PCDHA6: variants seen among roughly 807,000 people sequenced by gnomAD.
PCDHA6 encodes the protein protocadherin alpha 6.
PCDHA6 carries 55 observed loss-of-function variants against 60.3 expected under a neutral mutation model. The observed-to-expected ratio is 0.91, with a 90% CI of 0.73 to 1.14. PCDHA6 has a LOEUF of 1.14. Among genes scored for constraint, PCDHA6 ranks in the 50% most tolerant of loss-of-function variants. PCDHA6 has a pLI of 0.00. For synonymous variants in PCDHA6, 652 were observed against 557.9 expected (o/e 1.17, Z -2.38); for missense variants, 1,327 against 1,256.5 (o/e 1.06, Z -0.85).
At chr5:140,876,153 G>T in intron 1 of PCDHA6, 2 of 1,613,964 alleles carry the variant, frequency 1.2e-6, no homozygotes, top group South Asian at 2.2e-5. Context: ...GGTCTGTCCA[G>T]ATTCAAATAA....
Position 140,833,148 on chromosome 5 carries a change from T to C in PCDHA6, c.2394+2663T>C, listed in dbSNP as rs145941830. On this transcript the variant is annotated intron_variant, in intron 1 of 3. Coordinates refer to ENST00000529310, the MANE Select transcript of PCDHA6 (RefSeq NM_018909.4). The stretch of plus-strand genomic sequence containing the variant: ...AAAGCTGTCAAAAAGTGTGAAGCAA[T>C]ACGAATAAAAAGTATTAACGGAAGA... 2.6e-4 allele frequency among the ~76,000 whole-genome samples: 39 copies of C among 152,250 alleles called. No individual in the cohort carries two copies. The East Asian group carries it at 6.2e-3, about 24-fold the overall frequency.
At chr5:140,882,891 A>G (rs782750187) in intron 1 of PCDHA6, 3 of 1,614,230 alleles carry the variant, frequency 1.9e-6, no homozygotes, top group Admixed American at 1.7e-5. Context: ...ATTCAGGAAC[A>G]TAGTTTATTA....
intron 3 of PCDHA6, among the ~76,000 whole-genome samples, chr5:140,993,305 G>C (rs1405035028): frequency 6.6e-6 from 1 of 151,998 alleles, no homozygotes; most frequent in African/African-American, 2.4e-5. Flanking sequence ...CTTGCCTCCA[G>C]GATAATACCT....
chr5:140,966,742 G>T, intron 1 of PCDHA6: 1 of 1,422,480 alleles, frequency 7.0e-7, no homozygotes, highest in African/African-American at 1.5e-5. Context: ...GCCCTGCCCG[G>T]CTGCCTCCGC....
chr5:140,835,554 C>T (rs2150238113), intron 1 of PCDHA6: 7 of 1,613,942 alleles, frequency 4.3e-6, no homozygotes, highest in Non-Finnish European at 5.9e-6. Context: ...CTCCCTGACG[C>T]CCCGCGTTCC....
At chr5:140,926,268 T>A (rs1166651492) in intron 1 of PCDHA6, 1 of 152,208 alleles carries the variant, frequency 6.6e-6, no homozygotes, top group Non-Finnish European at 1.5e-5. Context: ...TCTCGCCGCC[T>A]CCGCTCGGCA....
intron 1 of PCDHA6, chr5:140,857,896 T>G: frequency 6.3e-7 from 1 of 1,597,704 alleles, no homozygotes; most frequent in Admixed American, 1.7e-5. Flanking sequence ...CGGCGGTTGG[T>G]GCACGCATCC....
Position 140,830,266 on chromosome 5 carries a change from G to T in PCDHA6, c.2175G>T (p.Ala725=), listed in dbSNP as rs2150183759. ...TGTACACAGCGCTGCGGTGCTCGGC[G>T]CCACCCACCGAGGGCGCGTGCACGG... The part of the protein sequence containing the change: ...LLLYTALRCS[A]PPTEGACTAD... Residue 725 remains alanine (A), a synonymous_variant, in exon 1 of 4, where the codon GCG becomes GCT. Coordinates refer to ENST00000529310, the MANE Select transcript of PCDHA6 (RefSeq NM_018909.4). 8 of 1,613,648 alleles carry T rather than the reference G, an allele frequency of 5.0e-6. No individual in the cohort carries two copies. The highest frequency in any genetic ancestry group is 6.8e-6 in the Non-Finnish European group (8 of 1,179,696).
chr5:140,967,636 T>G, intron 1 of PCDHA6: 2 of 1,614,138 alleles, frequency 1.2e-6, no homozygotes, highest in Non-Finnish European at 1.7e-6. Context: ...GCTCCAATGG[T>G]GAGCTCAGGT....
intron 3 of PCDHA6, among the ~76,000 whole-genome samples, chr5:141,005,407 T>C (rs2098211600): frequency 1.3e-5 from 2 of 151,168 alleles, no homozygotes; most frequent in Admixed American, 1.3e-4. Context: ...ACTTGAAGAG[T>C]GAGGAGTCAT....
rs190126464 is a variant in PCDHA6 at position 140,851,666 on chromosome 5, T to C, written c.2394+21181T>C. On this transcript the variant is annotated intron_variant, in intron 1 of 3. Coordinates refer to ENST00000529310, the MANE Select transcript of PCDHA6 (RefSeq NM_018909.4). The stretch of plus-strand genomic sequence containing the variant: ...CTTCAAGAAGACATTCTCCTTTTAA[T>C]TGAAATTTTCTCCATTCAGTGATAA... 22 of 916,122 alleles carry C rather than the reference T, an allele frequency of 2.4e-5. 1 individual carries two copies. The East Asian group carries it at 1.7e-3, about 72-fold the overall frequency. 56.7% of individuals were successfully genotyped at this position (916,122 alleles called of 1,614,324 possible).
At position 140,851,623 on chromosome 5, in the gene PCDHA6, TA is replaced by T. The variant is rs1286415417; in HGVS notation, c.2394+21141del. 3.6e-5 allele frequency: 33 copies of T among 920,270 alleles called. 3 individuals carry two copies. Among genetic ancestry groups the T allele is most frequent in the Non-Finnish European group, 3.8e-5 (29 of 756,686 alleles). The allele number at this position is 920,270 out of a possible 1,614,324, so 57.0% of individuals were successfully genotyped here. On this transcript the variant is annotated intron_variant, in intron 1 of 3. Transcript: ENST00000529310. ...TACAGAAATTGGAGAAAATGCTTTT[TA>T]AACAAGTGTTTCCTTTCTTCAAGAA... is the stretch of plus-strand genomic sequence containing the variant.
At position 140,884,225 on chromosome 5, in the gene PCDHA6, G is replaced by T. The variant is rs782322312; in HGVS notation, c.2394+53740G>T. 1.6e-5 allele frequency: 26 copies of T among 1,613,448 alleles called. No homozygotes were observed. The South Asian group carries it at 2.4e-4, about 15-fold the overall frequency. ...CCACCGCCTTCTGGTGCTGGTGAAG[G>T]ACCACGGTGAGCCCGCGCTGACGGC... is the stretch of plus-strand genomic sequence containing the variant. On this transcript the variant is annotated intron_variant, in intron 1 of 3. Transcript: ENST00000529310.
intron 1 of PCDHA6, among the ~76,000 whole-genome samples, chr5:140,913,256 T>C (rs1162098506): frequency 6.6e-6 from 1 of 152,208 alleles, no homozygotes; most frequent in East Asian, 1.9e-4. Context: ...ACAACTTTGA[T>C]CTAATTACTT....
At chr5:140,901,716 G>A (rs555901106) in intron 1 of PCDHA6, among the ~76,000 whole-genome samples, 1 of 152,176 alleles carries the variant, frequency 6.6e-6, no homozygotes, top group South Asian at 2.1e-4. Flanking sequence ...TTTTCAGATT[G>A]TCTTTTCTAT....
intron 1 of PCDHA6, chr5:140,869,297 G>A (rs781788461): frequency 1.2e-6 from 2 of 1,613,576 alleles, no homozygotes; most frequent in East Asian, 2.2e-5. Flanking sequence ...CGCCTGTTCC[G>A]GGTGGCGTCC....
At chr5:140,967,978 G>A in intron 1 of PCDHA6, 5 of 1,614,206 alleles carry the variant, frequency 3.1e-6, no homozygotes, top group Non-Finnish European at 3.4e-6. Flanking sequence ...GCCTGGGTCT[G>A]GAGGCCACAC....
At chr5:140,898,543 A>G (rs1284006764) in intron 1 of PCDHA6, among the ~76,000 whole-genome samples, 2 of 152,224 alleles carry the variant, frequency 1.3e-5, no homozygotes, top group East Asian at 3.9e-4. Flanking sequence ...TGTTCCATTT[A>G]TCTATGTCTC....
intron 1 of PCDHA6, among the ~76,000 whole-genome samples, chr5:140,972,288 C>T (rs1263314074): frequency 2.0e-5 from 3 of 150,942 alleles, no homozygotes; most frequent in African/African-American, 4.9e-5. Context: ...CATAGATGTG[C>T]GCCACCGTGT....
Sources: allele counts gnomAD v4.1 joint callset (sites outside exome capture counted in the v4.1 genomes callset), GRCh38; gene constraint gnomAD v4.1.1; transcripts MANE v1.5; gene names NCBI Gene and HGNC (gene_info 2026-07-23, HGNC 2026-07-21).